Variants in RUFY3 observed in about 807,000 individuals in gnomAD.
RUFY3 encodes the protein RUN and FYVE domain containing 3, also known as protein RUFY3.
RUFY3 carries 34 observed loss-of-function variants against 84.0 expected under a neutral mutation model. The observed-to-expected ratio is 0.40, with a 90% CI of 0.31 to 0.54. The LOEUF (loss-of-function observed/expected upper bound fraction) is 0.54, where lower values mean the gene tolerates loss of function less well. RUFY3 is among the 20% of genes least tolerant of loss of function. The probability of loss-of-function intolerance (pLI) is 0.39; values close to 1 mark genes in which losing one functional copy is unlikely to be tolerated. For missense variants in RUFY3, 507 were observed against 736.8 expected, an observed-to-expected ratio of 0.69 and a Z score of 3.61; for synonymous variants, 242 against 252.9, an observed-to-expected ratio of 0.96 and a Z score of 0.41.
intron 1 of RUFY3, among the ~76,000 whole-genome samples, chr4:70,756,143 G>T (rs561268131): frequency 3.3e-5 from 5 of 152,128 alleles, no homozygotes; most frequent in African/African-American, 1.2e-4. Flanking sequence ...CATTCTCCTT[G>T]ACTATGTCCA....
At chr4:70,770,997 G>A (rs560369628) in intron 5 of RUFY3, among the ~76,000 whole-genome samples, 14 of 152,300 alleles carry the variant, frequency 9.2e-5, no homozygotes, top group Admixed American at 2.0e-4. Context: ...CGGCCAGTAA[G>A]TAGAGCAGTG....
chr4:70,789,084 T>C (rs1730383396), intron 11 of RUFY3, 111 bp downstream of exon 11: 1 of 1,458,242 alleles, frequency 6.9e-7, no homozygotes, highest in African/African-American at 1.4e-5. Flanking sequence ...AAGAATCACA[T>C]CTCATTTTGA....
Position 70,795,444 on chromosome 4 carries a change from TAGAA to T in RUFY3, c.1557+551_1557+554del, listed in dbSNP as rs1731383699. Among the ~76,000 whole-genome samples, 7 of 152,234 alleles carry T rather than the reference TAGAA, an allele frequency of 4.6e-5. No individual in the cohort carries two copies. In the South Asian group the frequency reaches 1.5e-3, roughly 32 times the overall value. The stretch of plus-strand genomic sequence containing the variant: ...AGTAGAAATTTCTACATAATAATCT[TAGAA>T]GGAGACCCCTCCAGCACCTCCAGTG... On this transcript the variant is annotated intron_variant, in intron 14 of 17. Coordinates refer to ENST00000381006, the MANE Select transcript of RUFY3 (RefSeq NM_001037442.4).
intron 8 of RUFY3, among the ~76,000 whole-genome samples, chr4:70,781,710 G>T (rs1728948593): frequency 6.6e-6 from 1 of 152,172 alleles, no homozygotes; most frequent in Non-Finnish European, 1.5e-5. Flanking sequence ...GGACTTCCAG[G>T]CCTGCCCCCA....
chr4:70,760,554 ATT>A (rs372477580), intron 1 of RUFY3, among the ~76,000 whole-genome samples: 3 of 138,016 alleles, frequency 2.2e-5, no homozygotes, highest in Non-Finnish European at 4.7e-5. Context: ...CCCCAGCTCT[ATT>A]TTTTTTTTTT....
At chr4:70,768,374 T>G (rs1298765883) in intron 4 of RUFY3, among the ~76,000 whole-genome samples, 164 bp from the exon 5 acceptor site, 1 of 152,160 alleles carries the variant, frequency 6.6e-6, no homozygotes, top group Non-Finnish European at 1.5e-5. Context: ...AGTAAAATAT[T>G]TACTAAAGCC....
intron 8 of RUFY3, among the ~76,000 whole-genome samples, chr4:70,780,274 T>G (rs1027581906): frequency 6.6e-6 from 1 of 150,804 alleles, no homozygotes; most frequent in African/African-American, 2.4e-5. Context: ...TTTTTTGTTT[T>G]TTTGTTTTGT....
chr4:70,750,375 A>G (rs1487254619), intron 1 of RUFY3, among the ~76,000 whole-genome samples: 2 of 152,194 alleles, frequency 1.3e-5, no homozygotes, highest in Non-Finnish European at 2.9e-5. Context: ...CAAAATTAAC[A>G]ACAAAGTCTT....
chr4:70,785,952 A>G (rs914514051), intron 10 of RUFY3, among the ~76,000 whole-genome samples: 4 of 152,226 alleles, frequency 2.6e-5, no homozygotes, highest in African/African-American at 7.2e-5. Context: ...CTGTACTCCT[A>G]TGTTTATTGC....
chr4:70,708,925 G>A (rs930690232), intron 1 of RUFY3, among the ~76,000 whole-genome samples: 3 of 152,162 alleles, frequency 2.0e-5, no homozygotes, highest in African/African-American at 7.2e-5. Flanking sequence ...GGGTATGGTG[G>A]CACATGCCTC....
upstream of RUFY3, among the ~76,000 whole-genome samples, chr4:70,721,109 C>G (rs1742229573): frequency 1.3e-5 from 2 of 151,804 alleles, no homozygotes; most frequent in African/African-American, 4.8e-5. Flanking sequence ...GTCAGAAGTT[C>G]AAGACCAGCC....
intron 1 of RUFY3, among the ~76,000 whole-genome samples, chr4:70,714,553 G>T (rs1741360060): frequency 6.6e-6 from 1 of 152,116 alleles, no homozygotes; most frequent in African/African-American, 2.4e-5. Context: ...TGTTTGTTGG[G>T]GCATAAATAT....
At position 70,722,332 on chromosome 4, in the gene RUFY3, G is replaced by A. The variant is rs1742398067; in HGVS notation, c.-242G>A. The A allele has an allele frequency of 1.6e-6, 2 of 1,233,874 alleles. No individual in the cohort carries two copies. Among genetic ancestry groups the A allele is most frequent in the Non-Finnish European group, 2.0e-6 (2 of 989,492 alleles). The allele number at this position is 1,233,874 out of a possible 1,614,324, so 76.4% of individuals were successfully genotyped here. The stretch of plus-strand genomic sequence containing the variant: ...GAGAAGACAAGCATCATCTTATTTT[G>A]CTATGTGGTAGGAACTGTCTATAAG... On this transcript the variant is annotated 5_prime_UTR_variant, in exon 1 of 18. Coordinates refer to ENST00000381006, the MANE Select transcript of RUFY3 (RefSeq NM_001037442.4).
In RUFY3 at chr4:70,793,884, C is replaced by T. The variant is rs768565429; in HGVS notation, c.1437C>T (p.Val479=). The T allele has an allele frequency of 1.1e-5, 17 of 1,613,846 alleles. No homozygotes were observed. Among genetic ancestry groups the T allele is most frequent in the Admixed American group, 1.0e-4 (6 of 59,984 alleles). ...GDKINSLQLE[V]EELTRQRNQL... is the part of the protein sequence containing the mutation. ...AGATCAACAGTCTGCAGCTGGAAGT[C>T]GAGGAGCTCACCAGGCAGCGGTGAA... The change falls in exon 13 of 18, where the codon GTC becomes GTT. Residue 479 remains valine (V), a synonymous_variant. Coordinates refer to ENST00000381006, the MANE Select transcript of RUFY3 (RefSeq NM_001037442.4).
intron 9 of RUFY3, among the ~76,000 whole-genome samples, chr4:70,784,117 C>T (rs1729381189): frequency 6.6e-6 from 1 of 152,158 alleles, no homozygotes; most frequent in Admixed American, 6.5e-5. Flanking sequence ...TTGTTTTTAT[C>T]TGTGATCTTG....
At chr4:70,783,936 C>G (rs1331387332) in intron 9 of RUFY3, among the ~76,000 whole-genome samples, 1 of 152,130 alleles carries the variant, frequency 6.6e-6, no homozygotes, top group Non-Finnish European at 1.5e-5. Context: ...CTTTTATCTT[C>G]ATGCTTCTAA....
intron 7 of RUFY3, among the ~76,000 whole-genome samples, chr4:70,775,775 G>T (rs1232094472): frequency 6.6e-6 from 1 of 151,818 alleles, no homozygotes; most frequent in African/African-American, 2.4e-5. Context: ...GCAAGACCTT[G>T]TCTCTATTAA....
In RUFY3 at chr4:70,806,781, T is replaced by C; in HGVS notation, c.*122T>C. The C allele has an allele frequency of 1.6e-6, 2 of 1,255,966 alleles. No homozygotes were observed. The highest frequency in any genetic ancestry group is 2.2e-6 in the Non-Finnish European group (2 of 905,242). 77.8% of individuals were successfully genotyped at this position (1,255,966 alleles called of 1,614,324 possible). The stretch of plus-strand genomic sequence containing the variant: ...AACTAAAGAGTTGATAGGAATTTAC[T>C]AGGTCCAGGGAGAAAAGGCAGTGGT... On this transcript the variant is annotated 3_prime_UTR_variant, in exon 18 of 18. Transcript: ENST00000381006.
chr4:70,752,336 A>AT (rs79259719), intron 1 of RUFY3, among the ~76,000 whole-genome samples: 7,050 of 151,970 alleles, frequency 0.046, 362 homozygotes, highest in East Asian at 0.21. Context: ...ATTCCTTAGG[A>AT]TTTTTTATAT....
Sources: gnomAD v4.1 joint callset for allele counts (sites outside exome capture counted in the v4.1 genomes callset) on GRCh38, gnomAD v4.1.1 for gene constraint, MANE v1.5 for transcripts, NCBI Gene and HGNC (gene_info 2026-07-23, HGNC 2026-07-21) for gene names.